The following TRIOBP variants were observed in gnomAD, a reference collection of about 807,000 sequenced individuals.
TRIOBP encodes TRIO and F-actin binding protein.
In TRIOBP, 169 loss-of-function variants were observed where a neutral mutation model predicts 238.8. The observed-to-expected ratio is 0.71, with a 90% CI of 0.62 to 0.80. The LOEUF is 0.80. Among genes scored for constraint, TRIOBP ranks in the 30% least tolerant of loss-of-function variants. The pLI is 0.00. For missense variants in TRIOBP, 2,838 were observed against 3,122.6 expected (o/e 0.91, Z 2.17); for synonymous variants, 1,150 against 1,274.4 (o/e 0.90, Z 2.08).
At position 37,764,538 on chromosome 22, in the gene TRIOBP, A is replaced by G. The variant is rs113105095; in HGVS notation, c.6325-1132A>G. On this transcript the variant is annotated intron_variant, in intron 17 of 23. Transcript: ENST00000644935. ...TGTTTCCAGTTTTCATCTGTTACCA[A>G]CCTGGCTGTAGGGAATACCCTTGTT... Among the ~76,000 whole-genome samples the G allele has an allele frequency of 6.4e-3, 970 of 152,252 alleles. 15 individuals carry two copies. Among genetic ancestry groups the G allele is most frequent in the African/African-American group, 0.022 (917 of 41,536 alleles).
At chr22:37,727,617 G>A (rs1406432159) in intron 7 of TRIOBP, among the ~76,000 whole-genome samples, 3 of 152,010 alleles carry the variant, frequency 2.0e-5, no homozygotes, top group Non-Finnish European at 2.9e-5. Flanking sequence ...GCAGTGAGCC[G>A]AGATCGTACC....
At chr22:37,719,759 C>G (rs1240570774) in intron 6 of TRIOBP, among the ~76,000 whole-genome samples, 1 of 152,100 alleles carries the variant, frequency 6.6e-6, no homozygotes, top group African/African-American at 2.4e-5. Context: ...GCCGCCTCCT[C>G]TGCTTCACTT....
Position 37,723,578 on chromosome 22 carries a change from G to A in TRIOBP, c.1022G>A (p.Arg341Lys). The change falls in exon 7 of 24, where the codon AGA becomes AAA. Residue 341 changes from arginine to lysine, a missense_variant. Transcript: ENST00000644935. ...RASSTQWNTP[R>K]ASSPSRSTQL... ...TCATCTACACAGTGGAACACCCCCAGAGCTTCCTCTCCCTCACGAAGCACC... is the reference window on the plus strand; with the variant it reads ...TCATCTACACAGTGGAACACCCCCAAAGCTTCCTCTCCCTCACGAAGCACC... The A allele has an allele frequency of 6.2e-7, 1 of 1,614,048 alleles. No homozygotes were observed.
chr22:37,758,927 G>C (rs1926094095), intron 16 of TRIOBP, among the ~76,000 whole-genome samples: 2 of 152,108 alleles, frequency 1.3e-5, no homozygotes, highest in Non-Finnish European at 2.9e-5. Flanking sequence ...CTGGGCCAAG[G>C]CTCTCCCAGG....
chr22:37,755,746 C>T (rs555467841), intron 15 of TRIOBP, 87 bp downstream of exon 15: 1 of 1,115,640 alleles, frequency 9.0e-7, no homozygotes, highest in Non-Finnish European at 1.4e-6. Context: ...CTGAGGGCTG[C>T]ACCTTTCTGG....
rs199707997 is a variant in TRIOBP at position 37,772,623 on chromosome 22, A to G, written c.6959A>G (p.Lys2320Arg). ...MQKDKRFTSG[K>R]YQDVYVELSH... is the part of the protein sequence containing the mutation. ...CAGGACAAGCGCTTCACCTCGGGAA[A>G]GTACCAGGACGTCTATGTGGAGCTG... Residue 2320 changes from lysine to arginine, a missense_variant, in exon 23 of 24, where the codon AAG becomes AGG. By Grantham distance (26) the Lys-to-Arg change is conservative. Around this residue, in one of 5 missense-constraint regions of TRIOBP, gnomAD observed 2,096 missense variants for 2,137.4 expected, o/e 0.98. Coordinates refer to ENST00000644935, the MANE Select transcript of TRIOBP (RefSeq NM_001039141.3). 24 of 1,614,032 alleles carry G rather than the reference A, an allele frequency of 1.5e-5. No individual in the cohort carries two copies. Among genetic ancestry groups the G allele is most frequent in the African/African-American group, 2.7e-5 (2 of 74,928 alleles).
At chr22:37,729,636 T>G (rs1924330773) in intron 7 of TRIOBP, among the ~76,000 whole-genome samples, 1 of 152,258 alleles carries the variant, frequency 6.6e-6, no homozygotes. Flanking sequence ...GATAAGGTGT[T>G]TATATTAATA....
rs762343356 is a variant in TRIOBP at position 37,733,285 on chromosome 22, C to T, written c.3948-13C>T. 1 of 1,541,112 alleles carries T rather than the reference C, an allele frequency of 6.5e-7. No individual in the cohort carries two copies. Among genetic ancestry groups the T allele is most frequent in the Non-Finnish European group, 8.8e-7 (1 of 1,138,176 alleles). On this transcript the variant is annotated splice_polypyrimidine_tract_variant and intron_variant, in intron 7 of 23. Transcript: ENST00000644935. ...GGACAGTCCCTCAGAGGAGTGGCTG[C>T]ATTTGCTCATAGGAAGTCCGAGGCA...
intron 11 of TRIOBP, among the ~76,000 whole-genome samples, chr22:37,743,907 GGAAGA>G (rs1286174513): frequency 1.3e-5 from 2 of 149,668 alleles, no homozygotes; most frequent in Non-Finnish European, 1.5e-5. Flanking sequence ...ACAGAAGACA[GGAAGA>G]GAAGTGTTCC....
At chr22:37,740,409 G>C (rs1924875485) in intron 10 of TRIOBP, among the ~76,000 whole-genome samples, 1 of 152,182 alleles carries the variant, frequency 6.6e-6, no homozygotes, top group Non-Finnish European at 1.5e-5. Flanking sequence ...CTGAAGGCCA[G>C]GCAGGTAACA....
In TRIOBP at chr22:37,769,096, A is replaced by G. The variant is rs750289699; in HGVS notation, c.6644A>G (p.Glu2215Gly). The change falls in exon 20 of 24, where the codon GAG becomes GGG. Residue 2215 changes from glutamate to glycine, a missense_variant. Around this residue, in one of 5 missense-constraint regions of TRIOBP, gnomAD observed 2,096 missense variants for 2,137.4 expected, o/e 0.98. Coordinates refer to ENST00000644935, the MANE Select transcript of TRIOBP (RefSeq NM_001039141.3). ...GAGCAGTACTCGCAGAAGTGCCTGGAGATTGGGGCACTCATGCGGCAGGCT... is the reference window on the plus strand; with the variant it reads ...GAGCAGTACTCGCAGAAGTGCCTGGGGATTGGGGCACTCATGCGGCAGGCT... ...LSEQYSQKCLEIGALMRQAEE... is the reference protein window; with the variant it reads ...LSEQYSQKCLGIGALMRQAEE... 16 of 1,613,526 alleles carry G rather than the reference A, an allele frequency of 9.9e-6. No homozygotes were observed. Among genetic ancestry groups the G allele is most frequent in the Non-Finnish European group, 1.4e-5 (16 of 1,180,016 alleles).
intron 11 of TRIOBP, among the ~76,000 whole-genome samples, chr22:37,741,444 G>A (rs751792511): frequency 6.6e-5 from 10 of 152,224 alleles, no homozygotes; most frequent in African/African-American, 1.4e-4. Flanking sequence ...CTGGCGTTAC[G>A]TAACCCATCC....
At chr22:37,769,477 A>G in intron 21 of TRIOBP, 102 bp downstream of exon 21, 2 of 1,204,854 alleles carry the variant, frequency 1.7e-6, no homozygotes, top group Non-Finnish European at 2.4e-6. Context: ...CAGGAAAGCC[A>G]AGTCTCCCAG....
chr22:37,750,353 G>C (rs1001343684), intron 11 of TRIOBP, among the ~76,000 whole-genome samples: 2 of 152,184 alleles, frequency 1.3e-5, no homozygotes, highest in African/African-American at 4.8e-5. Flanking sequence ...AGGGGAGATG[G>C]CCCAAAAAGC....
chr22:37,759,896 C>A, intron 17 of TRIOBP: 2 of 388,152 alleles, frequency 5.2e-6, no homozygotes, highest in East Asian at 9.7e-5. Flanking sequence ...TAAATTTTAC[C>A]AATAAAAACA....
At chr22:37,741,561 G>A (rs1924935475) in intron 11 of TRIOBP, among the ~76,000 whole-genome samples, 1 of 152,202 alleles carries the variant, frequency 6.6e-6, no homozygotes, top group Non-Finnish European at 1.5e-5. Context: ...GGACAGAAGG[G>A]GCCTGGCCAT....
intron 3 of TRIOBP, among the ~76,000 whole-genome samples, chr22:37,704,314 C>G (rs776518879): frequency 6.6e-6 from 1 of 151,932 alleles, no homozygotes; most frequent in Non-Finnish European, 1.5e-5. Flanking sequence ...GACTGGGAGG[C>G]GGGGGCTTCA....
intron 12 of TRIOBP, among the ~76,000 whole-genome samples, chr22:37,753,736 G>A (rs576412137): frequency 5.9e-5 from 9 of 152,316 alleles, no homozygotes; most frequent in African/African-American, 2.2e-4. Context: ...AGGTATCGTC[G>A]TTGCATGCCC....
chr22:37,750,063 T>G (rs141345197), intron 11 of TRIOBP, among the ~76,000 whole-genome samples: 72 of 152,202 alleles, frequency 4.7e-4, no homozygotes, highest in African/African-American at 1.6e-3. Flanking sequence ...GATCACTAGG[T>G]TTCTCCTTGT....
Sources: allele counts gnomAD v4.1 joint callset (sites outside exome capture counted in the v4.1 genomes callset), GRCh38; gene constraint gnomAD v4.1.1; regional missense constraint gnomAD v4.1.1; transcripts MANE v1.5; gene names NCBI Gene and HGNC (gene_info 2026-07-23, HGNC 2026-07-21).